VIPR2: variants seen among roughly 807,000 people sequenced by gnomAD.
VIPR2 encodes vasoactive intestinal polypeptide receptor 2.
Under a neutral mutation model 58.0 loss-of-function variants are expected in VIPR2, and 48 were observed. The ratio of observed to expected loss-of-function variants is 0.83; its 90% CI spans 0.66 to 1.05. The LOEUF (loss-of-function observed/expected upper bound fraction) is 1.05. VIPR2 is among the 50% of genes least tolerant of loss of function. VIPR2 has a pLI of 0.00. For synonymous variants in VIPR2, 243 were observed against 235.2 expected, an observed-to-expected ratio of 1.03 and a Z score of -0.30; for missense variants, 534 against 558.0, an observed-to-expected ratio of 0.96 and a Z score of 0.43.
At chr7:159,091,310 G>A (rs1198214354) in intron 4 of VIPR2, among the ~76,000 whole-genome samples, 1 of 152,248 alleles carries the variant, frequency 6.6e-6, no homozygotes, top group Admixed American at 6.5e-5. Flanking sequence ...TGAGTCTGCG[G>A]CTGCCCCTTC....
chr7:159,040,640 C>T (rs1447990830), intron 6 of VIPR2, among the ~76,000 whole-genome samples: 1 of 152,204 alleles, frequency 6.6e-6, no homozygotes, highest in Non-Finnish European at 1.5e-5. Flanking sequence ...TTTGGGGGTG[C>T]TGCCCCAGGT....
At position 159,036,792 on chromosome 7, in the gene VIPR2, G is replaced by A; in HGVS notation, c.708C>T (p.Pro236=). The part of the protein sequence containing the change: ...YLHTLLVAML[P]PRRCFLAYLL... ...GGTAGGCCAGGAAGCACCTTCTAGG[G>A]GGGAGCATGGCCACCAGGAGGGTGT... Residue 236 remains proline (P), a synonymous_variant, in exon 7 of 13, where the codon CCC becomes CCT. Transcript: ENST00000262178. 2 of 1,613,932 alleles carry A rather than the reference G, an allele frequency of 1.2e-6. No homozygotes were observed. Among genetic ancestry groups the A allele is most frequent in the Middle Eastern group, 3.3e-4 (2 of 6,062 alleles).
intron 5 of VIPR2, among the ~76,000 whole-genome samples, chr7:159,050,664 A>G (rs1327604354): frequency 1.3e-5 from 2 of 152,138 alleles, no homozygotes; most frequent in Non-Finnish European, 2.9e-5. Flanking sequence ...AAATAGTAAT[A>G]TAATACATGG....
At chr7:159,062,216 C>T (rs73523909) in intron 4 of VIPR2, among the ~76,000 whole-genome samples, 316 of 152,302 alleles carry the variant, frequency 2.1e-3, no homozygotes, top group African/African-American at 7.0e-3. Flanking sequence ...TCAGCCTGAG[C>T]CCCGGCAAGT....
At position 159,035,979 on chromosome 7, in the gene VIPR2, G is replaced by A. The variant is rs150485248; in HGVS notation, c.782C>T (p.Ala261Val). 241 of 1,613,506 alleles carry A rather than the reference G, an allele frequency of 1.5e-4. No individual in the cohort carries two copies. In the East Asian group the frequency reaches 1.8e-3, roughly 12 times the overall value. Residue 261 changes from alanine (A) to valine (V), a missense_variant, in exon 8 of 13, where the codon GCG (alanine) becomes GTG (valine). Ala to Val is a moderately conservative substitution (Grantham distance 64, BLOSUM62 0). This residue lies in a region of VIPR2 where 306 missense variants were observed against 285.8 expected (regional missense o/e 1.07). Transcript: ENST00000262178. ...GGTGTCTTCTAAGTAGAGCCTGGCC[G>A]CAGTCCATGCACCGATGCAGACGGT... is the stretch of plus-strand genomic sequence containing the variant. The part of the protein sequence containing the change: ...LPTVCIGAWT[A>V]ARLYLEDTGC...
chr7:159,080,200 T>G (rs1856833371), intron 4 of VIPR2, among the ~76,000 whole-genome samples: 1 of 152,180 alleles, frequency 6.6e-6, no homozygotes. Context: ...TTGATGAACA[T>G]TGATGCAAAA....
At chr7:159,141,196 G>C (rs1219983149) in intron 2 of VIPR2, among the ~76,000 whole-genome samples, 1 of 152,204 alleles carries the variant, frequency 6.6e-6, no homozygotes, top group Non-Finnish European at 1.5e-5. Flanking sequence ...CTCCTGGGCC[G>C]CATCAGCATT....
intron 1 of VIPR2, chr7:159,144,152 G>C (rs1797591669): frequency 1.5e-6 from 1 of 688,714 alleles, no homozygotes; most frequent in African/African-American, 1.9e-5. Context: ...TTCACAGAGG[G>C]AATAATTCAG....
At chr7:159,114,281 A>C (rs568965966) in intron 2 of VIPR2, among the ~76,000 whole-genome samples, 2 of 151,788 alleles carry the variant, frequency 1.3e-5, no homozygotes, top group Admixed American at 6.6e-5. Flanking sequence ...GCATGGGAGG[A>C]GAAGGGGAGG....
chr7:159,066,797 C>G (rs535769014), intron 4 of VIPR2, among the ~76,000 whole-genome samples: 2 of 152,322 alleles, frequency 1.3e-5, no homozygotes, highest in East Asian at 3.9e-4. Flanking sequence ...AAATACTTAG[C>G]AAGAAAACTA....
At chr7:159,032,380 C>T (rs1474987875) in intron 10 of VIPR2, among the ~76,000 whole-genome samples, 2 of 152,200 alleles carry the variant, frequency 1.3e-5, no homozygotes, top group African/African-American at 4.8e-5. Flanking sequence ...CTGTGAGTGA[C>T]CCCAAACCTA....
intron 2 of VIPR2, among the ~76,000 whole-genome samples, chr7:159,131,032 C>T (rs1656318875): frequency 6.6e-6 from 1 of 152,194 alleles, no homozygotes; most frequent in African/African-American, 2.4e-5. Context: ...TGCGCTGCCT[C>T]CGCCCAGTTC....
chr7:159,106,644 G>T (rs1360322192), intron 3 of VIPR2, among the ~76,000 whole-genome samples: 5 of 140,824 alleles, frequency 3.6e-5, no homozygotes, highest in South Asian at 2.4e-4. Context: ...GCCAGGGAGG[G>T]GCAGAGAGAG....
chr7:159,068,978 CAG>C (rs1472430844), intron 4 of VIPR2, among the ~76,000 whole-genome samples: 2 of 152,226 alleles, frequency 1.3e-5, no homozygotes, highest in Non-Finnish European at 2.9e-5. Flanking sequence ...AATAAAATCT[CAG>C]TGGGTGCTGG....
At chr7:159,061,071 C>G (rs1855618043) in intron 4 of VIPR2, among the ~76,000 whole-genome samples, 1 of 152,140 alleles carries the variant, frequency 6.6e-6, no homozygotes, top group Non-Finnish European at 1.5e-5. Context: ...GAAATCACGT[C>G]CTTTGAAGCA....
intron 2 of VIPR2, among the ~76,000 whole-genome samples, chr7:159,111,155 T>C (rs563653891): frequency 1.2e-4 from 19 of 152,262 alleles, no homozygotes; most frequent in African/African-American, 4.6e-4. Context: ...AACCAAGCAC[T>C]TCTAACTCTG....
intron 5 of VIPR2, among the ~76,000 whole-genome samples, chr7:159,054,349 A>G (rs551903254): frequency 1.3e-5 from 2 of 152,252 alleles, no homozygotes; most frequent in Non-Finnish European, 2.9e-5. Context: ...AATAAGCTTC[A>G]TTAAAGTTAA....
intron 4 of VIPR2, among the ~76,000 whole-genome samples, chr7:159,085,907 G>A (rs964199142): frequency 3.9e-5 from 6 of 152,144 alleles, no homozygotes; most frequent in South Asian, 4.1e-4. Context: ...AGGACGACCC[G>A]CGCGATGCTG....
chr7:159,104,203 A>C (rs1452987360), intron 3 of VIPR2, among the ~76,000 whole-genome samples: 2 of 152,168 alleles, frequency 1.3e-5, no homozygotes, highest in Non-Finnish European at 2.9e-5. Context: ...AGCCCTGGCC[A>C]TCCTGGAGCC....
Sources: allele counts gnomAD v4.1 joint callset (sites outside exome capture counted in the v4.1 genomes callset), GRCh38; gene constraint gnomAD v4.1.1; regional missense constraint gnomAD v4.1.1; transcripts MANE v1.5; gene names NCBI Gene and HGNC (gene_info 2026-07-23, HGNC 2026-07-21).